CTDP1: variants seen among roughly 807,000 people sequenced by gnomAD.
The protein encoded by CTDP1 is RNA polymerase II subunit A C-terminal domain phosphatase.
CTDP1 carries 47 observed loss-of-function variants against 91.8 expected under a neutral mutation model. The observed-to-expected ratio is 0.51, with a 90% CI of 0.41 to 0.65. The LOEUF is 0.65. CTDP1 is among the 30% of genes least tolerant of loss of function. The probability of loss-of-function intolerance (pLI) is 0.00; values close to 1 mark genes in which losing one functional copy is unlikely to be tolerated. For synonymous variants in CTDP1, 656 were observed against 598.5 expected (o/e 1.10, Z -1.40); for missense variants, 1,272 against 1,373.7 (o/e 0.93, Z 1.17).
chr18:79,745,245 C>T (rs893510805), intron 12 of CTDP1, among the ~76,000 whole-genome samples: 12 of 145,128 alleles, frequency 8.3e-5, no homozygotes, highest in African/African-American at 3.2e-4. Flanking sequence ...GCGTCCCTCC[C>T]ATGCGCGTTC....
chr18:79,726,659 A>C (rs561877396), intron 10 of CTDP1, among the ~76,000 whole-genome samples: 1 of 150,990 alleles, frequency 6.6e-6, no homozygotes, highest in South Asian at 2.1e-4. Context: ...TGTTCCTGCC[A>C]TTTGGGATAG....
At chr18:79,728,265 A>G (rs1460439836) in intron 10 of CTDP1, among the ~76,000 whole-genome samples, 1 of 151,856 alleles carries the variant, frequency 6.6e-6, no homozygotes, top group African/African-American at 2.4e-5. Context: ...ACACCGGGCT[A>G]ATTTTTGTAT....
At chr18:79,689,990 A>G (rs534097540) in intron 1 of CTDP1, among the ~76,000 whole-genome samples, 3 of 152,200 alleles carry the variant, frequency 2.0e-5, no homozygotes, top group South Asian at 2.1e-4. Flanking sequence ...TCCTGGCCAC[A>G]GTCCTGGAAT....
intron 11 of CTDP1, among the ~76,000 whole-genome samples, chr18:79,731,173 C>T (rs1381116324): frequency 1.3e-5 from 2 of 152,166 alleles, no homozygotes; most frequent in Non-Finnish European, 2.9e-5. Context: ...GGCTGCTGCT[C>T]GTTTTGGGGC....
intron 5 of CTDP1, among the ~76,000 whole-genome samples, chr18:79,706,674 A>G (rs1325758826): frequency 6.6e-6 from 1 of 152,226 alleles, no homozygotes; most frequent in African/African-American, 2.4e-5. Context: ...GTTGTTATAA[A>G]TCTTCATCAT....
intron 10 of CTDP1, among the ~76,000 whole-genome samples, chr18:79,724,550 C>A (rs2510276): frequency 3.9e-5 from 6 of 152,088 alleles, no homozygotes; most frequent in Middle Eastern, 3.4e-3. Flanking sequence ...GAATAATTAC[C>A]CATCACTCCT....
chr18:79,715,811 CAG>C (rs548809492), intron 8 of CTDP1, among the ~76,000 whole-genome samples: 8 of 152,264 alleles, frequency 5.3e-5, no homozygotes, highest in East Asian at 3.9e-4. Flanking sequence ...GGTTGGAAAA[CAG>C]GGAATCAGCG....
Position 79,714,825 on chromosome 18 carries a change from C to T in CTDP1, c.1365C>T (p.Ser455=). 6.2e-7 allele frequency: 1 copy of T among 1,600,750 alleles called. No individual in the cohort carries two copies. The highest frequency in any genetic ancestry group is 1.1e-5 in the South Asian group (1 of 88,938). ...ATGTDLDFDL[S]SDSESSSESE... is the part of the protein sequence containing the mutation. The stretch of plus-strand genomic sequence containing the variant: ...GCACTGACCTGGACTTTGACTTATC[C>T]AGCGACAGCGAGAGCAGCAGTGAGT... Residue 455 remains serine (S), a synonymous_variant, in exon 8 of 13, where the codon TCC becomes TCT. Transcript: ENST00000613122.
intron 10 of CTDP1, among the ~76,000 whole-genome samples, chr18:79,723,228 C>G (rs571949860): frequency 6.6e-6 from 1 of 151,512 alleles, no homozygotes; most frequent in Non-Finnish European, 1.5e-5. Flanking sequence ...TCATCTGTCA[C>G]GGGCATTGGT....
In CTDP1 at chr18:79,681,416, C is replaced by G. The variant is rs1181140904; in HGVS notation, c.314+1155C>G. On this transcript the variant is annotated intron_variant, in intron 1 of 12. Coordinates refer to ENST00000613122, the MANE Select transcript of CTDP1 (RefSeq NM_004715.5). ...AGGATTGTGGAGGCAGATCCCAATGCTGGTGTATTCCCTGGACAGAAAACC... is the reference window on the plus strand; with the variant it reads ...AGGATTGTGGAGGCAGATCCCAATGGTGGTGTATTCCCTGGACAGAAAACC... 1.6e-5 allele frequency: 16 copies of G among 973,994 alleles called. No homozygotes were observed. The African/African-American group carries it at 2.8e-4, about 17-fold the overall frequency. 60.3% of individuals were successfully genotyped at this position (973,994 alleles called of 1,614,324 possible).
Position 79,712,976 on chromosome 18 carries a change from C to T in CTDP1, c.868C>T (p.Leu290Phe). The T allele has an allele frequency of 6.2e-7, 1 of 1,613,980 alleles. No homozygotes were observed. The highest frequency in any genetic ancestry group is 8.5e-7 in the Non-Finnish European group (1 of 1,179,880). ...ATTATGCATTTTCACTTGTAGAAAT[C>T]TCTTTCCTTGTGGAGACTCAATGGT... ...PFSKTGNLRN[L>F]FPCGDSMVCI... Residue 290 changes from leucine to phenylalanine, a missense_variant, in exon 7 of 13, where the codon CTC becomes TTC. By Grantham distance (22) the Leu-to-Phe change is conservative. Transcript: ENST00000613122.
At chr18:79,701,570 TAAAA>T in intron 4 of CTDP1, among the ~76,000 whole-genome samples, 2 of 119,424 alleles carry the variant, frequency 1.7e-5, no homozygotes, top group East Asian at 4.8e-4. Flanking sequence ...AATAAATAAA[TAAAA>T]GAGCTACATC....
intron 4 of CTDP1, chr18:79,703,434 C>T (rs1040029792): frequency 1.3e-5 from 2 of 152,188 alleles, no homozygotes; most frequent in Non-Finnish European, 2.9e-5. Flanking sequence ...GCATGTCGAT[C>T]ATATGTAAGC....
At position 79,715,377 on chromosome 18, in the gene CTDP1, A is replaced by T. The variant is rs1219613019; in HGVS notation, c.1917A>T (p.Ile639=). The T allele has an allele frequency of 6.2e-7, 1 of 1,607,804 alleles. No individual in the cohort carries two copies. Among genetic ancestry groups the T allele is most frequent in the Non-Finnish European group, 8.5e-7 (1 of 1,177,168 alleles). Residue 639 remains isoleucine (I), a synonymous_variant, in exon 8 of 13, where the codon ATA becomes ATT. Coordinates refer to ENST00000613122, the MANE Select transcript of CTDP1 (RefSeq NM_004715.5). Reference sequence around the variant, plus strand: ...GCAAGGTGCTGGCAGACGTGGCCATAATTTTCAGTGGGCTACACCCGACAA... The same window carrying T: ...GCAAGGTGCTGGCAGACGTGGCCATTATTTTCAGTGGGCTACACCCGACAA... ...LKSKVLADVA[I]IFSGLHPTNF...
intron 12 of CTDP1, among the ~76,000 whole-genome samples, chr18:79,739,453 AC>A (rs1046615593): frequency 2.7e-5 from 4 of 150,686 alleles, no homozygotes; most frequent in African/African-American, 9.8e-5. Context: ...ACTGACCCTC[AC>A]GGGTGAAACC....
rs567246560 is a variant in CTDP1 at position 79,736,580 on chromosome 18, A to T, written c.2747+59A>T. The stretch of plus-strand genomic sequence containing the variant: ...CACGGGCTCCCGGAGGTGACTCTGC[A>T]GTTGGTGGGCCGCCTACCTGCATCT... On this transcript the variant is annotated intron_variant, in intron 12 of 12. Transcript: ENST00000613122. The T allele has an allele frequency of 9.6e-5, 139 of 1,448,940 alleles. No homozygotes were observed. In the East Asian group the frequency reaches 3.1e-3, roughly 32 times the overall value. 89.8% of individuals were successfully genotyped at this position (1,448,940 alleles called of 1,614,324 possible).
chr18:79,756,550 C>G (rs2087095472), downstream of CTDP1: 1 of 152,346 alleles, frequency 6.6e-6, no homozygotes. Context: ...GAAGAAACCA[C>G]TGAATGTTAG....
Position 79,695,205 on chromosome 18 carries a change from C to T in CTDP1, c.315-20C>T. 1 of 1,610,304 alleles carries T rather than the reference C, an allele frequency of 6.2e-7. No homozygotes were observed. The highest frequency in any genetic ancestry group is 2.2e-5 in the East Asian group (1 of 44,854). On this transcript the variant is annotated intron_variant, in intron 1 of 12. Coordinates refer to ENST00000613122, the MANE Select transcript of CTDP1 (RefSeq NM_004715.5). ...AACCAAGAGATTTTAAAGTGTTGTT[C>T]CCCTTGTGTTTTTTTGTAGAGCGGT...
At chr18:79,753,548 C>CT in intron 12 of CTDP1, 104 bp from the exon 13 acceptor site, 1 of 1,566,978 alleles carries the variant, frequency 6.4e-7, no homozygotes, top group Non-Finnish European at 8.7e-7. Flanking sequence ...ATTGTGCCGT[C>CT]TTGTGTTAAA....
Sources: allele counts gnomAD v4.1 joint callset (sites outside exome capture counted in the v4.1 genomes callset), GRCh38; gene constraint gnomAD v4.1.1; transcripts MANE v1.5; gene names NCBI Gene and HGNC (gene_info 2026-07-23, HGNC 2026-07-21).